CTNNA3: variants seen among roughly 807,000 people sequenced by gnomAD.
The protein encoded by CTNNA3 is catenin alpha 3.
CTNNA3 carries 76 observed loss-of-function variants against 95.7 expected under a neutral mutation model. The observed-to-expected ratio is 0.79, with a 90% CI of 0.66 to 0.96. The LOEUF is 0.96. Ranked by LOEUF, CTNNA3 falls within the 40% of genes least tolerant of loss-of-function variation. The pLI is 0.00. For synonymous variants in CTNNA3, 431 were observed against 374.4 expected, an observed-to-expected ratio of 1.15 and a Z score of -1.74; for missense variants, 1,191 against 1,089.8, an observed-to-expected ratio of 1.09 and a Z score of -1.31.
intron 7 of CTNNA3, among the ~76,000 whole-genome samples, chr10:67,028,770 T>C (rs1853543068): frequency 1.3e-5 from 2 of 152,098 alleles, no homozygotes; most frequent in Non-Finnish European, 2.9e-5. Flanking sequence ...GCTAGTGAAG[T>C]CATTTTAGCA....
intron 13 of CTNNA3, among the ~76,000 whole-genome samples, chr10:66,276,813 A>C (rs1010031266): frequency 6.7e-6 from 1 of 148,942 alleles, no homozygotes; most frequent in Non-Finnish European, 1.5e-5. Flanking sequence ...CTATCTTCTT[A>C]TTATAGCCTA....
intron 5 of CTNNA3, among the ~76,000 whole-genome samples, chr10:67,424,216 C>T (rs1404969930): frequency 6.6e-6 from 1 of 152,052 alleles, no homozygotes; most frequent in Non-Finnish European, 1.5e-5. Context: ...TTACTGTTGA[C>T]ATTTATCACC....
chr10:66,577,530 A>G (rs1276404791), intron 10 of CTNNA3, among the ~76,000 whole-genome samples: 1 of 152,026 alleles, frequency 6.6e-6, no homozygotes, highest in Non-Finnish European at 1.5e-5. Context: ...GTTCAGTTTC[A>G]ATCTTTTGCA....
At chr10:66,020,355 C>G (rs1364894904) in intron 15 of CTNNA3, among the ~76,000 whole-genome samples, 2 of 152,066 alleles carry the variant, frequency 1.3e-5, no homozygotes, top group Admixed American at 6.5e-5. Context: ...CTTTTGCACT[C>G]TGGGAAAAGA....
At chr10:67,473,093 A>T (rs1476335928) in intron 5 of CTNNA3, among the ~76,000 whole-genome samples, 1 of 152,248 alleles carries the variant, frequency 6.6e-6, no homozygotes, top group Non-Finnish European at 1.5e-5. Context: ...AAACAGTACA[A>T]CAAATTAATG....
intron 10 of CTNNA3, among the ~76,000 whole-genome samples, chr10:66,613,794 A>G (rs1844412733): frequency 6.6e-6 from 1 of 152,250 alleles, no homozygotes; most frequent in Admixed American, 6.6e-5. Flanking sequence ...GGCATAAATT[A>G]TAAAAGGCCT....
chr10:67,452,548 AACT>A (rs1847027797), intron 5 of CTNNA3, among the ~76,000 whole-genome samples: 1 of 152,210 alleles, frequency 6.6e-6, no homozygotes, highest in East Asian at 1.9e-4. Flanking sequence ...CTATATCAAA[AACT>A]ACGTTTAATG....
intron 10 of CTNNA3, among the ~76,000 whole-genome samples, chr10:66,603,737 G>A (rs1228204212): frequency 2.6e-5 from 4 of 151,990 alleles, no homozygotes; most frequent in Non-Finnish European, 1.5e-5. Flanking sequence ...AAGGCATATA[G>A]AACAATGGAA....
chr10:67,143,424 T>TAAAAAAAAAAAAAAAAAAAA (rs1860685984), intron 7 of CTNNA3, among the ~76,000 whole-genome samples: 3 of 31,278 alleles, frequency 9.6e-5, no homozygotes, highest in Non-Finnish European at 1.8e-4. Flanking sequence ...AGGCTCTGTC[T>TAAAAAAAAAAAAAAAAAAAA]TAAAAAAAAA....
chr10:67,603,292 T>C (rs1304955253), intron 3 of CTNNA3, among the ~76,000 whole-genome samples: 2 of 152,192 alleles, frequency 1.3e-5, no homozygotes, highest in Non-Finnish European at 1.5e-5. Context: ...AACATTTTGG[T>C]CAACAACAGA....
At chr10:67,392,619 C>T (rs535916259) in intron 5 of CTNNA3, among the ~76,000 whole-genome samples, 35 of 152,088 alleles carry the variant, frequency 2.3e-4, no homozygotes, top group African/African-American at 6.5e-4. Context: ...ATGTTTATTG[C>T]GGCACTCTTC....
At chr10:66,317,654 C>G (rs2092120456) in intron 12 of CTNNA3, among the ~76,000 whole-genome samples, 1 of 151,374 alleles carries the variant, frequency 6.6e-6, no homozygotes, top group African/African-American at 2.4e-5. Context: ...GCCTGGGTGA[C>G]AGTGCAAGAC....
At chr10:66,378,484 T>C (rs1004533586) in intron 12 of CTNNA3, among the ~76,000 whole-genome samples, 42 of 152,204 alleles carry the variant, frequency 2.8e-4, no homozygotes, top group African/African-American at 9.4e-4. Flanking sequence ...ATTGTCCTCA[T>C]TGTTTTTGAA....
intron 1 of CTNNA3, among the ~76,000 whole-genome samples, chr10:67,739,747 G>C (rs1459511002): frequency 6.6e-6 from 1 of 152,110 alleles, no homozygotes; most frequent in Non-Finnish European, 1.5e-5. Context: ...GTAATTTATA[G>C]ATTCAATGCC....
intron 10 of CTNNA3, among the ~76,000 whole-genome samples, chr10:66,588,823 A>T (rs1843449939): frequency 6.6e-6 from 1 of 152,082 alleles, no homozygotes; most frequent in African/African-American, 2.4e-5. Context: ...ACTTTTGAGG[A>T]TGGACAAGGC....
At chr10:66,537,939 C>CT (rs1166937675) in intron 10 of CTNNA3, among the ~76,000 whole-genome samples, 1 of 152,102 alleles carries the variant, frequency 6.6e-6, no homozygotes, top group African/African-American at 2.4e-5. Flanking sequence ...GATAAAAGAT[C>CT]TGTCATTCCT....
intron 7 of CTNNA3, among the ~76,000 whole-genome samples, chr10:66,804,418 A>G (rs1182206778): frequency 6.6e-6 from 1 of 151,960 alleles, no homozygotes; most frequent in Non-Finnish European, 1.5e-5. Context: ...ACTTCTGGAA[A>G]AACTCTCTGT....
Position 66,591,212 on chromosome 10 carries a change from A to G in CTNNA3, c.1374+30480T>C, listed in dbSNP as rs112867524. Reference sequence around the variant, plus strand: ...GCCTCAGCAGGTTGGAAAATTACCAATCAGTCAACAAGTGTTTATTGAACT... The same window carrying G: ...GCCTCAGCAGGTTGGAAAATTACCAGTCAGTCAACAAGTGTTTATTGAACT... On this transcript the variant is annotated intron_variant, in intron 10 of 17. Coordinates refer to ENST00000433211, the MANE Select transcript of CTNNA3 (RefSeq NM_013266.4). Among the ~76,000 whole-genome samples, 330 of 152,248 alleles carry G rather than the reference A, an allele frequency of 2.2e-3. 1 individual carries two copies. The highest frequency in any genetic ancestry group is 7.6e-3 in the African/African-American group (316 of 41,564).
At chr10:66,777,788 C>CAA (rs1840367063) in intron 7 of CTNNA3, among the ~76,000 whole-genome samples, 1 of 123,272 alleles carries the variant, frequency 8.1e-6, no homozygotes, top group Non-Finnish European at 1.8e-5. Flanking sequence ...CACACACACA[C>CAA]ACACACACAT....
Sources: allele counts gnomAD v4.1 joint callset (sites outside exome capture counted in the v4.1 genomes callset), GRCh38; gene constraint gnomAD v4.1.1; transcripts MANE v1.5; gene names NCBI Gene and HGNC (gene_info 2026-07-23, HGNC 2026-07-21).